ASCC3: variants seen among roughly 807,000 people sequenced by gnomAD.
ASCC3 encodes activating signal cointegrator 1 complex subunit 3, also known as ASC-1 complex subunit P200.
A neutral mutation model predicts 256.3 loss-of-function variants in ASCC3; 158 were observed. The observed-to-expected ratio is 0.62, with a 90% CI of 0.54 to 0.70. The LOEUF is 0.70. Ranked by LOEUF, ASCC3 falls within the 30% of genes least tolerant of loss-of-function variation. The probability of loss-of-function intolerance (pLI) is 0.00; values close to 1 mark genes in which losing one functional copy is unlikely to be tolerated. For missense variants in ASCC3, 2,259 were observed against 2,626.0 expected, an observed-to-expected ratio of 0.86 and a Z score of 3.05; for synonymous variants, 948 against 883.4, an observed-to-expected ratio of 1.07 and a Z score of -1.30.
At chr6:100,536,401 T>C (rs1424414613) in intron 37 of ASCC3, among the ~76,000 whole-genome samples, 2 of 152,310 alleles carry the variant, frequency 1.3e-5, no homozygotes, top group East Asian at 1.9e-4. Context: ...TGTCTGTGTA[T>C]ACATACTTAC....
intron 36 of ASCC3, among the ~76,000 whole-genome samples, chr6:100,543,419 G>A (rs1026243088): frequency 1.3e-5 from 2 of 151,858 alleles, no homozygotes; most frequent in African/African-American, 4.8e-5. Flanking sequence ...TACCAAACAC[G>A]CACTAATATA....
Position 100,516,392 on chromosome 6 carries a change from G to C in ASCC3, c.5928-65C>G, listed in dbSNP as rs116759347. 1,637 of 1,581,206 alleles carry C rather than the reference G, an allele frequency of 1.0e-3. 21 individuals are homozygous for C. In the African/African-American group the frequency reaches 0.02, roughly 19 times the overall value. On this transcript the variant is annotated intron_variant, in intron 38 of 41. Transcript: ENST00000369162. ...AGCACAAAGAAGATTTTCTGACAATGGTGGTTTATATAATTATAGCTTTTT... is the reference window on the plus strand; with the variant it reads ...AGCACAAAGAAGATTTTCTGACAATCGTGGTTTATATAATTATAGCTTTTT...
At chr6:100,533,672 A>C (rs1775023921) in intron 37 of ASCC3, among the ~76,000 whole-genome samples, 1 of 152,226 alleles carries the variant, frequency 6.6e-6, no homozygotes, top group Non-Finnish European at 1.5e-5. Flanking sequence ...CTCTTTTTGC[A>C]TAACACATAT....
At chr6:100,695,941 G>A (rs1582712289) in intron 13 of ASCC3, among the ~76,000 whole-genome samples, 1 of 152,280 alleles carries the variant, frequency 6.6e-6, no homozygotes, top group South Asian at 2.1e-4. Flanking sequence ...CTACCTTTTA[G>A]TATGCAGGTA....
chr6:100,519,156 A>C (rs1179127181), intron 37 of ASCC3, among the ~76,000 whole-genome samples: 2 of 152,106 alleles, frequency 1.3e-5, no homozygotes, highest in Non-Finnish European at 2.9e-5. Flanking sequence ...CTGAGCATTG[A>C]ATATCCCACT....
At chr6:100,530,250 A>C (rs1350615471) in intron 37 of ASCC3, 1 of 923,146 alleles carries the variant, frequency 1.1e-6, no homozygotes, top group African/African-American at 1.6e-5. Flanking sequence ...CCACAGGAGG[A>C]GGGGAGAGGC....
chr6:100,782,664 T>C (rs955064913), intron 8 of ASCC3, among the ~76,000 whole-genome samples: 3 of 152,114 alleles, frequency 2.0e-5, no homozygotes, highest in Non-Finnish European at 2.9e-5. Context: ...TCCTCAATAG[T>C]GTACCACTGG....
chr6:100,599,784 G>A (rs1161962507), intron 34 of ASCC3, among the ~76,000 whole-genome samples: 2 of 152,046 alleles, frequency 1.3e-5, no homozygotes, highest in Non-Finnish European at 2.9e-5. Context: ...GTCTCTGTGT[G>A]CTAATTAGAC....
intron 5 of ASCC3, among the ~76,000 whole-genome samples, chr6:100,804,483 C>A (rs1770070508): frequency 6.6e-6 from 1 of 151,948 alleles, no homozygotes; most frequent in African/African-American, 2.4e-5. Context: ...ACAGAGTAAA[C>A]AGACAACCTA....
intron 4 of ASCC3, among the ~76,000 whole-genome samples, chr6:100,820,587 T>C (rs867420122): frequency 1.3e-5 from 2 of 151,898 alleles, no homozygotes; most frequent in Middle Eastern, 3.4e-3. Context: ...AAAAAAAAAT[T>C]CCTAACTATG....
intron 1 of ASCC3, among the ~76,000 whole-genome samples, chr6:100,878,945 C>A (rs138822834): frequency 5.8e-4 from 89 of 152,254 alleles, no homozygotes; most frequent in African/African-American, 2.0e-3. Context: ...AGGCCCAATC[C>A]CACAAGACTG....
intron 37 of ASCC3, among the ~76,000 whole-genome samples, chr6:100,519,217 G>A (rs961818055): frequency 4.6e-5 from 7 of 151,976 alleles, no homozygotes; most frequent in East Asian, 1.9e-4. Context: ...CTGGTTAAAC[G>A]AATCTATGGT....
intron 24 of ASCC3, among the ~76,000 whole-genome samples, chr6:100,641,279 C>T (rs1324599117): frequency 9.2e-5 from 14 of 152,126 alleles, no homozygotes; most frequent in Admixed American, 6.5e-4. Context: ...AAGATTACCA[C>T]GTACCCCTTT....
intron 26 of ASCC3, 34 bp from the exon 27 acceptor site, chr6:100,629,215 T>C: frequency 6.2e-7 from 1 of 1,601,700 alleles, no homozygotes; most frequent in Non-Finnish European, 8.5e-7. Context: ...CCCAGAAACT[T>C]TTCAGGTAAC....
intron 36 of ASCC3, among the ~76,000 whole-genome samples, chr6:100,570,482 C>A (rs1363584898): frequency 6.6e-6 from 1 of 152,110 alleles, no homozygotes; most frequent in African/African-American, 2.4e-5. Context: ...TCTTGAGATA[C>A]TTTTTTCCAC....
chr6:100,857,701 A>G (rs950147727), intron 3 of ASCC3: 4 of 152,012 alleles, frequency 2.6e-5, no homozygotes, highest in Non-Finnish European at 5.9e-5. Context: ...ATACTAGTCC[A>G]TTTGCCTATT....
chr6:100,800,555 T>C (rs1021826927), intron 5 of ASCC3, 51 bp from the exon 6 acceptor site: 2 of 1,390,168 alleles, frequency 1.4e-6, no homozygotes, highest in Non-Finnish European at 2.0e-6. Flanking sequence ...GAATATGATT[T>C]AACCTTCATG....
intron 36 of ASCC3, among the ~76,000 whole-genome samples, chr6:100,568,484 G>A (rs1276204255): frequency 6.6e-6 from 1 of 151,328 alleles, no homozygotes; most frequent in East Asian, 1.9e-4. Flanking sequence ...CTGGTTGCTT[G>A]TATGTCTTCT....
intron 17 of ASCC3, among the ~76,000 whole-genome samples, chr6:100,654,251 G>A (rs1247616842): frequency 6.7e-6 from 1 of 149,794 alleles, no homozygotes; most frequent in South Asian, 2.1e-4. Flanking sequence ...TAGTTCATAA[G>A]AGTTTTGTGG....
Sources: allele counts gnomAD v4.1 joint callset (sites outside exome capture counted in the v4.1 genomes callset), GRCh38; gene constraint gnomAD v4.1.1; transcripts MANE v1.5; gene names NCBI Gene and HGNC (gene_info 2026-07-23, HGNC 2026-07-21).